KHDRBS3: variants seen among roughly 807,000 people sequenced by gnomAD.
KHDRBS3 encodes KH RNA binding domain containing, signal transduction associated 3.
A neutral mutation model predicts 45.6 loss-of-function variants in KHDRBS3; 23 were observed. The observed-to-expected ratio is 0.50, with a 90% CI of 0.36 to 0.72. The LOEUF (loss-of-function observed/expected upper bound fraction) is 0.72, where lower values mean the gene tolerates loss of function less well. KHDRBS3 is among the 30% of genes least tolerant of loss of function. KHDRBS3 has a pLI of 0.00. For missense variants in KHDRBS3, 352 were observed against 424.8 expected, an observed-to-expected ratio of 0.83 and a Z score of 1.51; for synonymous variants, 162 against 156.5, an observed-to-expected ratio of 1.04 and a Z score of -0.26.
intron 1 of KHDRBS3, among the ~76,000 whole-genome samples, chr8:135,496,123 G>T (rs1823427454): frequency 6.8e-6 from 1 of 146,366 alleles, no homozygotes; most frequent in African/African-American, 2.6e-5. Flanking sequence ...AGAGATATAT[G>T]GGCATGGATC....
At chr8:135,577,313 GGTT>G (rs1827991891) in intron 5 of KHDRBS3, among the ~76,000 whole-genome samples, 1 of 152,132 alleles carries the variant, frequency 6.6e-6, no homozygotes, top group African/African-American at 2.4e-5. Context: ...TGTGCTGTGA[GGTT>G]GTTTGGGTTT....
downstream of KHDRBS3, among the ~76,000 whole-genome samples, chr8:135,649,715 T>A (rs1252827247): frequency 1.3e-5 from 2 of 152,184 alleles, no homozygotes; most frequent in Non-Finnish European, 2.9e-5. Flanking sequence ...TATTAAATAA[T>A]TTTTTTAAGG....
intron 1 of KHDRBS3, among the ~76,000 whole-genome samples, chr8:135,472,062 C>G (rs1261943522): frequency 6.6e-6 from 1 of 152,160 alleles, no homozygotes; most frequent in Non-Finnish European, 1.5e-5. Context: ...TTGTGGATGA[C>G]AGCAATGAAT....
intron 3 of KHDRBS3, among the ~76,000 whole-genome samples, chr8:135,548,327 G>A (rs1479133815): frequency 6.6e-6 from 1 of 152,192 alleles, no homozygotes; most frequent in Non-Finnish European, 1.5e-5. Flanking sequence ...AGTGATAAGT[G>A]CCTTGTACCA....
chr8:135,515,834 T>TA (rs1226177525), intron 1 of KHDRBS3, among the ~76,000 whole-genome samples: 3 of 152,352 alleles, frequency 2.0e-5, no homozygotes, highest in African/African-American at 7.2e-5. Flanking sequence ...CAAAAAGAGA[T>TA]ACAGTGAAAA....
intron 1 of KHDRBS3, among the ~76,000 whole-genome samples, chr8:135,483,978 G>A (rs960834321): frequency 6.6e-6 from 1 of 152,100 alleles, no homozygotes; most frequent in African/African-American, 2.4e-5. Context: ...TGAGGCCTCT[G>A]GAATTGGACC....
At chr8:135,473,532 A>G (rs1205068447) in intron 1 of KHDRBS3, among the ~76,000 whole-genome samples, 1 of 152,008 alleles carries the variant, frequency 6.6e-6, no homozygotes, top group Non-Finnish European at 1.5e-5. Context: ...ACAGATATAC[A>G]CTTTTTATTA....
intron 7 of KHDRBS3, among the ~76,000 whole-genome samples, chr8:135,629,311 T>C (rs1830497963): frequency 6.6e-6 from 1 of 152,236 alleles, no homozygotes; most frequent in Admixed American, 6.5e-5. Flanking sequence ...GGCCAGTGAC[T>C]AGTGTTTTGT....
In KHDRBS3 at chr8:135,577,831, G is replaced by A. The variant is rs188683049; in HGVS notation, c.612-4047G>A. 7.6e-4 allele frequency among the ~76,000 whole-genome samples: 116 copies of A among 152,278 alleles called. 1 individual carries two copies. Among genetic ancestry groups the A allele is most frequent in the African/African-American group, 2.2e-3 (93 of 41,552 alleles). ...AAGAAATTGCCAAACTGTCTAAGTG[G>A]CTGTATATACTATGTTGCATTCCAG... On this transcript the variant is annotated intron_variant, in intron 5 of 8. Coordinates refer to ENST00000355849, the MANE Select transcript of KHDRBS3 (RefSeq NM_006558.3).
In KHDRBS3 at chr8:135,479,118, T is replaced by C. The variant is rs1051476060; in HGVS notation, c.88+21164T>C. Among the ~76,000 whole-genome samples the C allele has an allele frequency of 3.3e-5, 5 of 152,156 alleles. No individual in the cohort carries two copies. In the East Asian group the frequency reaches 7.7e-4, roughly 23 times the overall value. ...TGTAGATGTCTGTTAAGTGTAAAAT[T>C]AGGAATGAAAACAGAGGACATTCCT... On this transcript the variant is annotated intron_variant, in intron 1 of 8. Transcript: ENST00000355849.
chr8:135,652,043 T>G (rs1464073590), downstream of KHDRBS3, among the ~76,000 whole-genome samples: 1 of 152,206 alleles, frequency 6.6e-6, no homozygotes, highest in African/African-American at 2.4e-5. Flanking sequence ...ATGAGACATT[T>G]TATAGAATAT....
At chr8:135,518,218 G>T (rs1244212399) in intron 1 of KHDRBS3, among the ~76,000 whole-genome samples, 1 of 152,000 alleles carries the variant, frequency 6.6e-6, no homozygotes, top group Non-Finnish European at 1.5e-5. Context: ...TGCTGCCCAG[G>T]GTGGAGGTGC....
chr8:135,602,991 A>G (rs1462118611), intron 6 of KHDRBS3, among the ~76,000 whole-genome samples: 2 of 152,092 alleles, frequency 1.3e-5, no homozygotes, highest in African/African-American at 4.8e-5. Context: ...CCTGCTGTTC[A>G]TTCTGCCTAA....
At chr8:135,470,838 G>A (rs112015744) in intron 1 of KHDRBS3, among the ~76,000 whole-genome samples, 20 of 152,124 alleles carry the variant, frequency 1.3e-4, no homozygotes, top group Middle Eastern at 3.4e-3. Flanking sequence ...TGCTTGCCTC[G>A]GCCTCTGAAA....
chr8:135,528,359 A>C (rs1020649835), intron 2 of KHDRBS3, among the ~76,000 whole-genome samples: 6 of 152,152 alleles, frequency 3.9e-5, no homozygotes, highest in African/African-American at 1.4e-4. Context: ...AAACCCTTTA[A>C]ATTACTACTT....
intron 5 of KHDRBS3, among the ~76,000 whole-genome samples, chr8:135,559,407 C>T (rs977320797): frequency 2.0e-5 from 3 of 152,138 alleles, no homozygotes; most frequent in African/African-American, 7.2e-5. Flanking sequence ...GGCTGGAGTG[C>T]AGTAGCACGA....
At chr8:135,621,135 A>C (rs1450683757) in intron 7 of KHDRBS3, among the ~76,000 whole-genome samples, 1 of 106,750 alleles carries the variant, frequency 9.4e-6, no homozygotes, top group African/African-American at 3.4e-5. Flanking sequence ...CTTAAAAAAA[A>C]GGGGGGGAGG....
chr8:135,625,574 A>G (rs574809677), intron 7 of KHDRBS3: 15 of 940,556 alleles, frequency 1.6e-5, no homozygotes, highest in Non-Finnish European at 2.6e-5. Flanking sequence ...AGAGGGAGCC[A>G]CTGCAGTTTC....
intron 7 of KHDRBS3, among the ~76,000 whole-genome samples, chr8:135,643,479 T>A (rs574871093): frequency 1.3e-5 from 2 of 152,302 alleles, no homozygotes; most frequent in South Asian, 4.1e-4. Context: ...GCATTTAGGT[T>A]AAGGGCTTGA....
Sources: allele counts gnomAD v4.1 joint callset (sites outside exome capture counted in the v4.1 genomes callset), GRCh38; gene constraint gnomAD v4.1.1; transcripts MANE v1.5; gene names NCBI Gene and HGNC (gene_info 2026-07-23, HGNC 2026-07-21).